Variants in DEK observed in about 807,000 individuals in gnomAD.
DEK encodes DEK proto-oncogene.
Under a neutral mutation model 46.8 loss-of-function variants are expected in DEK, and 28 were observed. The ratio of observed to expected loss-of-function variants is 0.60; its 90% confidence interval spans 0.44 to 0.82. DEK has a LOEUF of 0.82. Ranked by LOEUF, DEK falls within the 40% of genes least tolerant of loss-of-function variation. The pLI, the probability that DEK is intolerant of heterozygous loss-of-function variation, is 0.00. For synonymous variants in DEK, 160 were observed against 144.5 expected, an observed-to-expected ratio of 1.11 and a Z score of -0.77; for missense variants, 416 against 430.6, an observed-to-expected ratio of 0.97 and a Z score of 0.30.
intron 9 of DEK, among the ~76,000 whole-genome samples, chr6:18,233,804 T>C (rs1356237112): frequency 1.3e-5 from 2 of 152,150 alleles, no homozygotes; most frequent in Non-Finnish European, 2.9e-5. Context: ...CTCAAGGATC[T>C]AGAACCAGAA....
intron 4 of DEK, 42 bp downstream of exon 4, chr6:18,257,911 G>A (rs1791670130): frequency 2.2e-6 from 3 of 1,388,222 alleles, no homozygotes; most frequent in South Asian, 2.6e-5. Flanking sequence ...ATTCCATTGT[G>A]AAGTAATATA....
intron 9 of DEK, among the ~76,000 whole-genome samples, chr6:18,236,210 C>T (rs1461857389): frequency 1.3e-5 from 2 of 152,142 alleles, no homozygotes; most frequent in Admixed American, 6.5e-5. Flanking sequence ...GAATGTGTCA[C>T]TTTAATTTTA....
rs772214049 is a variant in DEK at position 18,258,391 on chromosome 6, C to T, written c.160G>A (p.Val54Met). The change falls in exon 3 of 11, where the codon GTG becomes ATG. Residue 54 changes from valine (V) to methionine (M), a missense_variant. Physicochemically the swap from Val to Met is conservative, Grantham distance 21 (BLOSUM62 1). Coordinates refer to ENST00000652689, the MANE Select transcript of DEK (RefSeq NM_003472.4). ...TTTTTCTTTTCCCTCTTGCCTTCCA[C>T]GATGAGACTCTTTTCTAGAAATTAA... Reference protein sequence around the residue: ...EEEEKEKSLIVEGKREKKKVE... With the variant: ...EEEEKEKSLIMEGKREKKKVE... The T allele has an allele frequency of 2.0e-5, 33 of 1,611,142 alleles. No homozygotes were observed. The highest frequency in any genetic ancestry group is 2.7e-5 in the Non-Finnish European group (32 of 1,178,260).
Position 18,263,842 on chromosome 6 carries a change from C to T in DEK, c.145+1G>A, listed in dbSNP as rs1324764387. 1 of 1,612,260 alleles carries T rather than the reference C, an allele frequency of 6.2e-7. No individual in the cohort carries two copies. Among genetic ancestry groups the T allele is most frequent in the East Asian group, 2.2e-5 (1 of 44,672 alleles). On this transcript the variant is annotated splice_donor_variant, in intron 2 of 10. Transcript: ENST00000652689. LOFTEE classifies it high-confidence loss of function. ...ATCAGTTGGGATGCGACTCCCCCCA[C>T]CTTTTTCCTCCTCCTCCTCCTCCTC... is the stretch of plus-strand genomic sequence containing the variant.
intron 6 of DEK, among the ~76,000 whole-genome samples, chr6:18,250,147 T>C (rs1044872452): frequency 1.3e-5 from 2 of 152,192 alleles, no homozygotes; most frequent in Non-Finnish European, 2.9e-5. Flanking sequence ...TAATACTTTG[T>C]CATGATAATA....
At chr6:18,229,004 A>G (rs1340210452) in intron 9 of DEK, among the ~76,000 whole-genome samples, 1 of 152,224 alleles carries the variant, frequency 6.6e-6, no homozygotes, top group African/African-American at 2.4e-5. Context: ...ACCTCCCAGT[A>G]GGAGCTGACT....
chr6:18,263,772 G>GT (rs34095376), intron 2 of DEK, 71 bp downstream of exon 2: 1 of 1,609,670 alleles, frequency 6.2e-7, no homozygotes, highest in Non-Finnish European at 8.5e-7. Context: ...CAAGAAAACT[G>GT]TTTCCTGGGT....
At chr6:18,244,375 A>C (rs891607709) in intron 7 of DEK, 1 of 361,706 alleles carries the variant, frequency 2.8e-6, no homozygotes, top group African/African-American at 2.1e-5. Flanking sequence ...TTAAAGGATC[A>C]GTAATACAGA....
intron 7 of DEK, among the ~76,000 whole-genome samples, chr6:18,239,762 GTTTT>G (rs928763906): frequency 6.6e-6 from 1 of 151,996 alleles, no homozygotes; most frequent in Admixed American, 6.6e-5. Flanking sequence ...ATGATTTGTC[GTTTT>G]TTTATGACGA....
chr6:18,262,422 A>C (rs1791917557), intron 2 of DEK, among the ~76,000 whole-genome samples: 1 of 152,152 alleles, frequency 6.6e-6, no homozygotes, highest in South Asian at 2.1e-4. Flanking sequence ...TCCCACAAAC[A>C]CCTCAAATTA....
chr6:18,248,945 A>G (rs558714072), intron 7 of DEK, among the ~76,000 whole-genome samples: 13 of 152,192 alleles, frequency 8.5e-5, no homozygotes, highest in Non-Finnish European at 1.9e-4. Flanking sequence ...TTGAACGAAA[A>G]CATCAAAGTT....
At chr6:18,242,383 C>G (rs1561981410) in intron 7 of DEK, among the ~76,000 whole-genome samples, 1 of 152,108 alleles carries the variant, frequency 6.6e-6, no homozygotes, top group Non-Finnish European at 1.5e-5. Flanking sequence ...AAGAATAATA[C>G]GGCAGTCTCC....
chr6:18,261,203 C>T (rs1042545540), intron 2 of DEK, among the ~76,000 whole-genome samples: 30 of 152,228 alleles, frequency 2.0e-4, no homozygotes, highest in African/African-American at 6.0e-4. Flanking sequence ...CTTGCACCAG[C>T]GTGCTCTGGA....
chr6:18,226,919 AAT>A (rs1205138721), intron 9 of DEK, among the ~76,000 whole-genome samples: 1 of 152,184 alleles, frequency 6.6e-6, no homozygotes, highest in Non-Finnish European at 1.5e-5. Flanking sequence ...CTCAGGGTGA[AAT>A]GGATTAAGGG....
chr6:18,233,918 T>A lies in DEK; in HGVS notation c.1047+2534A>T, dbSNP rs180933169. Among the ~76,000 whole-genome samples the A allele has an allele frequency of 2.1e-3, 315 of 152,248 alleles. 3 individuals carry two copies. Among genetic ancestry groups the A allele is most frequent in the African/African-American group, 7.3e-3 (302 of 41,538 alleles). On this transcript the variant is annotated intron_variant, in intron 9 of 10. Transcript: ENST00000652689. ...ACATGTTATGTTTATTGCGGCACTA[T>A]TCACAATAGCAAAGACTTGGAACCA...
At chr6:18,256,505 C>T (rs377316968) in intron 4 of DEK, 50 bp from the exon 5 acceptor site, 93 of 1,469,182 alleles carry the variant, frequency 6.3e-5, no homozygotes, top group Non-Finnish European at 8.3e-5. Flanking sequence ...GTAATGTACA[C>T]AAGAATAAAT....
rs917985462 is a variant in DEK, at chr6:18,226,369, T to C, written c.1048-127A>G. The stretch of plus-strand genomic sequence containing the variant: ...ACAACCATCCCAACAGTACTCTGGT[T>C]AACCCATATGGAATTCTATTCCAAA... On this transcript the variant is annotated intron_variant, in intron 9 of 10. Transcript: ENST00000652689. The C allele has an allele frequency of 1.0e-5, 8 of 762,954 alleles. No homozygotes were observed. The African/African-American group carries it at 1.5e-4, about 14-fold the overall frequency. 47.3% of individuals were successfully genotyped at this position (762,954 alleles called of 1,614,324 possible). A position where few individuals can be genotyped will look rare whatever the true frequency, so the allele number is the denominator to read the frequency against.
chr6:18,252,525 A>G lies in DEK; in HGVS notation c.574-2686T>C, dbSNP rs930979713. Among the ~76,000 whole-genome samples, 5 of 150,588 alleles carry G rather than the reference A, an allele frequency of 3.3e-5. 1 individual carries two copies. The highest frequency in any genetic ancestry group is 7.4e-5 in the Non-Finnish European group (5 of 67,664). On this transcript the variant is annotated intron_variant, in intron 6 of 10. Coordinates refer to ENST00000652689, the MANE Select transcript of DEK (RefSeq NM_003472.4). ...CGCTGTCTCCAAAAAAAAAAAAAAA[A>G]AAAAAAAAAAGAAAATAGCCTGAGC... is the stretch of plus-strand genomic sequence containing the variant.
rs189304090 is a variant in DEK, at chr6:18,226,941, A to G, written c.1048-699T>C. On this transcript the variant is annotated intron_variant, in intron 9 of 10. Transcript: ENST00000652689. The stretch of plus-strand genomic sequence containing the variant: ...TGAAATGGATTAAGGGCTGTGCAAG[A>G]TGTGCTTTGTTAAACAGATGCTTGA... Among the ~76,000 whole-genome samples the G allele has an allele frequency of 3.2e-3, 493 of 152,342 alleles. 1 individual carries two copies. The highest frequency in any genetic ancestry group is 0.011 in the African/African-American group (471 of 41,576).
Sources: allele counts gnomAD v4.1 joint callset (sites outside exome capture counted in the v4.1 genomes callset), GRCh38; gene constraint gnomAD v4.1.1; transcripts MANE v1.5; gene names NCBI Gene and HGNC (gene_info 2026-07-23, HGNC 2026-07-21).